RAB3GAP2: variants seen among roughly 807,000 people sequenced by gnomAD.
RAB3GAP2 encodes the protein rab3 GTPase-activating protein non-catalytic subunit.
Under a neutral mutation model 185.3 loss-of-function variants are expected in RAB3GAP2, and 87 were observed. That is an observed-to-expected ratio of 0.47 (90% confidence interval 0.39 to 0.56). The LOEUF (loss-of-function observed/expected upper bound fraction) is 0.56. RAB3GAP2 is among the 20% of genes least tolerant of loss of function. The pLI is 0.00. For synonymous variants in RAB3GAP2, 554 were observed against 576.1 expected (o/e 0.96, Z 0.55); for missense variants, 1,492 against 1,638.2 (o/e 0.91, Z 1.54).
At chr1:220,195,894 A>C (rs776054706) in intron 10 of RAB3GAP2, among the ~76,000 whole-genome samples, 1 of 152,202 alleles carries the variant, frequency 6.6e-6, no homozygotes, top group Non-Finnish European at 1.5e-5. Flanking sequence ...TATAACAAGT[A>C]TAGTTGGCAG....
At chr1:220,195,210 G>A (rs776062697) in intron 11 of RAB3GAP2, 43 bp from the exon 12 acceptor site, 4 of 1,607,826 alleles carry the variant, frequency 2.5e-6, no homozygotes, top group South Asian at 2.2e-5. Flanking sequence ...GAGCTTCCAG[G>A]GTTTTAAAGT....
chr1:220,225,982 C>T (rs563868688), intron 2 of RAB3GAP2, among the ~76,000 whole-genome samples: 72 of 152,314 alleles, frequency 4.7e-4, no homozygotes, highest in Non-Finnish European at 8.4e-4. Context: ...TCTGGGGCCT[C>T]CATCTGACCA....
chr1:220,162,731 AC>A (rs1424558737), intron 27 of RAB3GAP2, among the ~76,000 whole-genome samples: 3 of 152,150 alleles, frequency 2.0e-5, no homozygotes, highest in African/African-American at 7.2e-5. Context: ...CTGCTCTATC[AC>A]CCGACAATTC....
chr1:220,200,802 T>C (rs1424387801), intron 9 of RAB3GAP2: 3 of 362,260 alleles, frequency 8.3e-6, no homozygotes, highest in South Asian at 4.4e-5. Context: ...GTGTCAGATA[T>C]CCTTAGCCTC....
chr1:220,269,941 C>A (rs1453145949), intron 1 of RAB3GAP2, among the ~76,000 whole-genome samples: 3 of 152,156 alleles, frequency 2.0e-5, no homozygotes, highest in African/African-American at 7.2e-5. Context: ...TCCCTATCTA[C>A]AATCCTGCAT....
At chr1:220,267,187 A>AG (rs1660243365) in intron 1 of RAB3GAP2, 3 of 994,110 alleles carry the variant, frequency 3.0e-6, no homozygotes, top group Admixed American at 1.7e-5. Context: ...ACAGTAAGAC[A>AG]GGGCACTTGC....
chr1:220,206,039 ATAGAT>A, intron 7 of RAB3GAP2, 33 bp from the exon 8 acceptor site: 3 of 1,327,766 alleles, frequency 2.3e-6, no homozygotes, highest in Non-Finnish European at 3.2e-6. Context: ...AAGTTCTTGA[ATAGAT>A]AAATAAGCTT....
intron 1 of RAB3GAP2, among the ~76,000 whole-genome samples, 196 bp downstream of exon 1, chr1:220,272,027 T>G (rs558131449): frequency 8.3e-4 from 125 of 150,826 alleles, no homozygotes; most frequent in African/African-American, 3.0e-3. Context: ...AAAAGCTGGG[T>G]CGAGAGGAAG....
chr1:220,155,805 T>C (rs1657845853), intron 31 of RAB3GAP2, among the ~76,000 whole-genome samples: 1 of 152,180 alleles, frequency 6.6e-6, no homozygotes, highest in Non-Finnish European at 1.5e-5. Context: ...GCTAATCCAA[T>C]TCTGGATGTG....
intron 3 of RAB3GAP2, among the ~76,000 whole-genome samples, chr1:220,213,445 T>C (rs566751173): frequency 6.6e-6 from 1 of 152,112 alleles, no homozygotes; most frequent in Admixed American, 6.6e-5. Flanking sequence ...CAAAAAATTA[T>C]GAGTTAAAAT....
intron 1 of RAB3GAP2, among the ~76,000 whole-genome samples, chr1:220,261,080 G>A (rs115731314): frequency 6.6e-6 from 1 of 152,044 alleles, no homozygotes; most frequent in Non-Finnish European, 1.5e-5. Flanking sequence ...TAAAAAAAAG[G>A]GGGGGCAATG....
chr1:220,179,261 A>AT (rs1040527489), intron 21 of RAB3GAP2, among the ~76,000 whole-genome samples: 3 of 151,168 alleles, frequency 2.0e-5, no homozygotes, highest in African/African-American at 7.3e-5. Flanking sequence ...AAAAAAAAAA[A>AT]AAAAAAGAAG....
chr1:220,232,953 C>T, intron 1 of RAB3GAP2, 90 bp from the exon 2 acceptor site: 2 of 1,008,552 alleles, frequency 2.0e-6, no homozygotes, highest in Non-Finnish European at 3.2e-6. Flanking sequence ...AGAACCAACC[C>T]CTGTATAATG....
In RAB3GAP2 at chr1:220,153,318, G is replaced by A. The variant is rs1486548299; in HGVS notation, c.3734C>T (p.Pro1245Leu). 6.2e-7 allele frequency: 1 copy of A among 1,614,100 alleles called. No homozygotes were observed. Among genetic ancestry groups the A allele is most frequent in the Non-Finnish European group, 8.5e-7 (1 of 1,180,028 alleles). ...TGGCCAATCTTGGTCTTTCCCAAAA[G>A]GAGTGGGTGTGGCCTCTTCTGTGGG... ...KDPTEEATPT[P>L]FGKDQDWPAL... is the part of the protein sequence containing the mutation. The change falls in exon 33 of 35, where the codon CCT (proline) becomes CTT (leucine). Residue 1245 changes from proline (P) to leucine (L), a missense_variant. This residue lies in a region of RAB3GAP2 where 387 missense variants were observed against 455.3 expected (regional missense o/e 0.85). Transcript: ENST00000358951.
rs955417063 is a variant in RAB3GAP2, at chr1:220,163,758, T to A, written c.3154+975A>T. The stretch of plus-strand genomic sequence containing the variant: ...ATAAATACATACATATATATATATA[T>A]ATATATATATATATAGGATGAAGGT... On this transcript the variant is annotated intron_variant, in intron 27 of 34. Coordinates refer to ENST00000358951, the MANE Select transcript of RAB3GAP2 (RefSeq NM_012414.4). Among the ~76,000 whole-genome samples, 18 of 145,554 alleles carry A rather than the reference T, an allele frequency of 1.2e-4. No homozygotes were observed. The South Asian group carries it at 3.9e-3, about 32-fold the overall frequency.
intron 21 of RAB3GAP2, among the ~76,000 whole-genome samples, chr1:220,177,889 G>A (rs540182164): frequency 6.6e-6 from 1 of 152,030 alleles, no homozygotes; most frequent in African/African-American, 2.4e-5. Flanking sequence ...GGAGTAGAAC[G>A]TTTACTCAAA....
At chr1:220,249,826 C>A (rs1659898168) in intron 1 of RAB3GAP2, among the ~76,000 whole-genome samples, 1 of 152,176 alleles carries the variant, frequency 6.6e-6, no homozygotes, top group Non-Finnish European at 1.5e-5. Flanking sequence ...AAGCCCCAAG[C>A]CTTGGTGGCT....
chr1:220,153,920 GT>G (rs557396940), intron 32 of RAB3GAP2, 47 bp downstream of exon 32: 81 of 1,584,540 alleles, frequency 5.1e-5, no homozygotes, highest in African/African-American at 2.4e-4. Flanking sequence ...TTTCCCTTAT[GT>G]TTTTTTTTCC....
At chr1:220,267,972 T>G in intron 1 of RAB3GAP2, 1 of 594,708 alleles carries the variant, frequency 1.7e-6, no homozygotes, top group Non-Finnish European at 3.0e-6. Context: ...ATAAAAGCAC[T>G]TTTAAACCAA....
Sources: gnomAD v4.1 joint callset for allele counts (sites outside exome capture counted in the v4.1 genomes callset) on GRCh38, gnomAD v4.1.1 for gene constraint, gnomAD v4.1.1 regional missense constraint, MANE v1.5 for transcripts, NCBI Gene and HGNC (gene_info 2026-07-23, HGNC 2026-07-21) for gene names.